MGAT4C: variants seen among roughly 807,000 people sequenced by gnomAD.
MGAT4C encodes alpha-1,3-mannosyl-glycoprotein 4-beta-N-acetylglucosaminyltransferase C.
Under a neutral mutation model 40.1 loss-of-function variants are expected in MGAT4C, and 19 were observed. The observed-to-expected ratio is 0.47, with a 90% CI of 0.33 to 0.70. MGAT4C has a LOEUF of 0.70. Ranked by LOEUF, MGAT4C falls within the 30% of genes least tolerant of loss-of-function variation. The pLI, the probability that MGAT4C is intolerant of heterozygous loss-of-function variation, is 0.02. For synonymous variants in MGAT4C, 181 were observed against 187.1 expected, an observed-to-expected ratio of 0.97 and a Z score of 0.27; for missense variants, 491 against 563.2, an observed-to-expected ratio of 0.87 and a Z score of 1.30.
chr12:86,159,893 T>C (rs1328877367), intron 1 of MGAT4C, among the ~76,000 whole-genome samples: 1 of 152,102 alleles, frequency 6.6e-6, no homozygotes, highest in Admixed American at 6.6e-5. Flanking sequence ...ATCACCTTTG[T>C]CATTTCTGAT....
intron 1 of MGAT4C, among the ~76,000 whole-genome samples, chr12:86,746,609 T>C (rs1951157912): frequency 6.6e-6 from 1 of 151,712 alleles, no homozygotes. Flanking sequence ...TCAAATACAG[T>C]GAATTATTCA....
chr12:86,656,263 T>C (rs1426853690), intron 2 of MGAT4C, among the ~76,000 whole-genome samples: 1 of 152,006 alleles, frequency 6.6e-6, no homozygotes. Context: ...ATATATACTT[T>C]TGGAAATAAG....
Position 86,660,019 on chromosome 12 carries a change from T to A in MGAT4C, c.-229+67190A>T, listed in dbSNP as rs1167063421. ...CCAGTGTCTGTCCAGCACCCTCTATTTACACAGCTTGAAGTCATGATAACA... is the reference window on the plus strand; with the variant it reads ...CCAGTGTCTGTCCAGCACCCTCTATATACACAGCTTGAAGTCATGATAACA... On this transcript the variant is annotated intron_variant, in intron 2 of 7. Coordinates refer to the MGAT4C transcript ENST00000548651. Among the ~76,000 whole-genome samples the A allele has an allele frequency of 2.0e-5, 3 of 151,138 alleles. No homozygotes were observed. In the East Asian group the frequency reaches 5.8e-4, roughly 29 times the overall value.
At chr12:86,708,931 C>T (rs757113251) in intron 2 of MGAT4C, among the ~76,000 whole-genome samples, 4 of 152,132 alleles carry the variant, frequency 2.6e-5, no homozygotes, top group African/African-American at 4.8e-5. Flanking sequence ...AGATGAGAGA[C>T]ATTGGACTGT....
At chr12:86,394,377 T>C (rs1956209065) in intron 3 of MGAT4C, among the ~76,000 whole-genome samples, 1 of 151,386 alleles carries the variant, frequency 6.6e-6, no homozygotes. Flanking sequence ...TTAATGCTTG[T>C]TCTAAAGAGG....
At chr12:86,655,904 G>C (rs1430510168) in intron 2 of MGAT4C, among the ~76,000 whole-genome samples, 2 of 152,042 alleles carry the variant, frequency 1.3e-5, no homozygotes, top group African/African-American at 4.8e-5. Context: ...GGTTGAATTT[G>C]AATTCTGGGT....
At chr12:86,720,254 T>TAC (rs1158377222) in intron 2 of MGAT4C, among the ~76,000 whole-genome samples, 1 of 152,100 alleles carries the variant, frequency 6.6e-6, no homozygotes, top group Non-Finnish European at 1.5e-5. Context: ...GTAGCTAAAG[T>TAC]CTCCGAAATC....
At chr12:86,766,175 C>A (rs1268518871) in intron 1 of MGAT4C, among the ~76,000 whole-genome samples, 2 of 152,018 alleles carry the variant, frequency 1.3e-5, no homozygotes, top group African/African-American at 2.4e-5. Flanking sequence ...GGAGGAAGAT[C>A]AACCAAGCAA....
chr12:85,991,466 C>A (rs1287578358), intron 2 of MGAT4C, among the ~76,000 whole-genome samples: 1 of 150,882 alleles, frequency 6.6e-6, no homozygotes, highest in Admixed American at 6.6e-5. Context: ...GGGACCCACC[C>A]CCTTCCCCCC....
intron 1 of MGAT4C, among the ~76,000 whole-genome samples, chr12:86,159,120 G>A (rs1226913344): frequency 2.0e-5 from 3 of 152,074 alleles, no homozygotes. Flanking sequence ...CAGTTCTCAA[G>A]GGAAATGGTT....
intron 3 of MGAT4C, among the ~76,000 whole-genome samples, chr12:86,372,449 A>G (rs1395637458): frequency 6.6e-6 from 1 of 151,936 alleles, no homozygotes; most frequent in Non-Finnish European, 1.5e-5. Flanking sequence ...CTATTGTTAC[A>G]TATTTTATAC....
At chr12:86,132,736 G>C (rs1881387809) in intron 1 of MGAT4C, among the ~76,000 whole-genome samples, 1 of 147,360 alleles carries the variant, frequency 6.8e-6, no homozygotes, top group South Asian at 2.1e-4. Context: ...AGCTTGCTGT[G>C]AGCAGAGATC....
In MGAT4C at chr12:85,957,635, A is replaced by C. The variant is rs185769304; in HGVS notation, c.*21654T>G. The C allele has an allele frequency of 4.9e-5, 7 of 143,020 alleles. No individual in the cohort carries two copies. In the East Asian group the frequency reaches 1.4e-3, roughly 29 times the overall value. 8.9% of individuals were successfully genotyped at this position (143,020 alleles called of 1,614,324 possible). On this transcript the variant is annotated 3_prime_UTR_variant, in exon 5 of 5. Transcript: ENST00000611864. ...CAAATAAAACCACAGATTTTCTTTT[A>C]CTGTAGAGTTGAATAAGAAAGCAAA... is the stretch of plus-strand genomic sequence containing the variant.
At chr12:86,784,164 T>C (rs948584052) in intron 1 of MGAT4C, among the ~76,000 whole-genome samples, 3 of 152,024 alleles carry the variant, frequency 2.0e-5, no homozygotes, top group African/African-American at 7.2e-5. Context: ...GTTCCCCTAG[T>C]ACGTAATTAG....
intron 1 of MGAT4C, among the ~76,000 whole-genome samples, chr12:86,126,647 TA>T (rs1179603706): frequency 3.9e-5 from 6 of 152,204 alleles, no homozygotes; most frequent in African/African-American, 1.4e-4. Flanking sequence ...CATTTAAAGA[TA>T]AACTCAAAAC....
chr12:86,184,648 A>G lies in MGAT4C; in HGVS notation c.-57+71591T>C, dbSNP rs1201150931. On this transcript the variant is annotated intron_variant, in intron 1 of 4. Coordinates refer to ENST00000611864, the MANE Select transcript of MGAT4C (RefSeq NM_001351288.2). ...TTTTCTTTTTTTTTCTCTTCCTTCC[A>G]TTCTCCTTTCCTTTCTCTCTTTGTT... 2.2e-5 allele frequency among the ~76,000 whole-genome samples: 3 copies of G among 135,022 alleles called. No individual in the cohort carries two copies. In the East Asian group the frequency reaches 6.4e-4, roughly 29 times the overall value. The allele number at this position is 135,022 out of a possible 152,430, so 88.6% of individuals were successfully genotyped here.
chr12:86,570,933 A>C (rs7959674), intron 2 of MGAT4C, among the ~76,000 whole-genome samples: 141,540 of 151,896 alleles, frequency 0.93, 66,027 homozygotes, highest in East Asian at 1. Context: ...CATGCCTCAA[A>C]CTCCCAAGTA....
At chr12:86,325,310 TCATTG>T (rs1193376141) in intron 4 of MGAT4C, among the ~76,000 whole-genome samples, 4 of 152,194 alleles carry the variant, frequency 2.6e-5, no homozygotes, top group African/African-American at 9.6e-5. Flanking sequence ...TTCTCATTAA[TCATTG>T]TATATTCCAG....
chr12:86,249,357 T>C (rs1470439857), intron 1 of MGAT4C, among the ~76,000 whole-genome samples: 1 of 152,198 alleles, frequency 6.6e-6, no homozygotes, highest in Non-Finnish European at 1.5e-5. Context: ...AATAACTTAA[T>C]AGATTGATAT....
Sources: allele counts gnomAD v4.1 joint callset (sites outside exome capture counted in the v4.1 genomes callset), GRCh38; gene constraint gnomAD v4.1.1; transcripts MANE v1.5; gene names NCBI Gene and HGNC (gene_info 2026-07-23, HGNC 2026-07-21).